The following DNAJC16 variants were observed in gnomAD, a reference collection of about 807,000 sequenced individuals.
The protein encoded by DNAJC16 is dnaJ homolog subfamily C member 16.
A neutral mutation model predicts 92.7 loss-of-function variants in DNAJC16; 76 were observed. The ratio of observed to expected loss-of-function variants is 0.82; its 90% CI spans 0.68 to 0.99. The LOEUF is 0.99. Ranked by LOEUF, DNAJC16 falls within the 50% of genes least tolerant of loss-of-function variation. DNAJC16 has a pLI of 0.00. For synonymous variants in DNAJC16, 328 were observed against 358.7 expected (o/e 0.91, Z 0.97); for missense variants, 869 against 942.4 (o/e 0.92, Z 1.02).
chr1:15,532,279 C>T (rs886071466), intron 2 of DNAJC16, among the ~76,000 whole-genome samples: 22 of 152,252 alleles, frequency 1.4e-4, no homozygotes, highest in Admixed American at 5.2e-4. Context: ...AGATACTACA[C>T]GCAATATTTC....
Position 15,548,310 on chromosome 1 carries a change from A to G in DNAJC16, c.905A>G (p.Tyr302Cys), listed in dbSNP as rs766500971. ...FAYKDYLSFGYVYVGLRGTEE... is the reference protein window; with the variant it reads ...FAYKDYLSFGCVYVGLRGTEE... ...TACAAAGATTATTTATCATTTGGAT[A>G]TGTATATGTGGGTTTGAGAGGGACG... The change falls in exon 7 of 15, where the codon TAT becomes TGT. Residue 302 changes from tyrosine (Y) to cysteine (C), a missense_variant. Physicochemically the swap from Tyr to Cys is radical, Grantham distance 194. Coordinates refer to ENST00000375847, the MANE Select transcript of DNAJC16 (RefSeq NM_015291.4). 10 of 1,614,150 alleles carry G rather than the reference A, an allele frequency of 6.2e-6. No homozygotes were observed. The highest frequency in any genetic ancestry group is 2.2e-5 in the East Asian group (1 of 44,874).
intron 6 of DNAJC16, among the ~76,000 whole-genome samples, chr1:15,547,939 G>T (rs1638349833): frequency 6.6e-6 from 1 of 152,122 alleles, no homozygotes; most frequent in Non-Finnish European, 1.5e-5. Flanking sequence ...GGAGAGGAAG[G>T]TGTTATCAGT....
intron 5 of DNAJC16, among the ~76,000 whole-genome samples, chr1:15,545,302 GC>G (rs1308946363): frequency 1.3e-5 from 2 of 152,140 alleles, no homozygotes; most frequent in African/African-American, 4.8e-5. Flanking sequence ...TTCTACATGT[GC>G]TATTCCTAGA....
rs1051353990 is a variant in DNAJC16 at position 15,566,279 on chromosome 1, C to T, written c.1778+99C>T. On this transcript the variant is annotated intron_variant, in intron 13 of 14. Coordinates refer to ENST00000375847, the MANE Select transcript of DNAJC16 (RefSeq NM_015291.4). ...TTGGAACATAGAGTGTAGAGAAGAA[C>T]TCTCATGCACCTCCTCCCATGTAAA... 3.0e-5 allele frequency: 28 copies of T among 945,880 alleles called. No individual in the cohort carries two copies. In the South Asian group the frequency reaches 4.2e-4, roughly 14 times the overall value. 58.6% of individuals were successfully genotyped at this position (945,880 alleles called of 1,614,324 possible).
At chr1:15,551,524 A>G (rs1178334035) in intron 7 of DNAJC16, among the ~76,000 whole-genome samples, 3 of 152,134 alleles carry the variant, frequency 2.0e-5, no homozygotes, top group Non-Finnish European at 2.9e-5. Flanking sequence ...GAACATTAGA[A>G]TTTCGAAAAA....
chr1:15,536,631 A>C lies in DNAJC16; in HGVS notation c.391A>C (p.Asn131His). 1 of 1,614,032 alleles carries C rather than the reference A, an allele frequency of 6.2e-7. No homozygotes were observed. The highest frequency in any genetic ancestry group is 8.5e-7 in the Non-Finnish European group (1 of 1,180,002). ...TGAATCCTTTTTTCACTTCCCTTTT[A>C]ATTCTGAACGGCGGGACTCAATTGA... is the stretch of plus-strand genomic sequence containing the variant. ...FDESFFHFPF[N>H]SERRDSIDEK... The change falls in exon 4 of 15, where the codon AAT becomes CAT. Residue 131 changes from asparagine to histidine, a missense_variant. Asn to His is a moderately conservative substitution (Grantham distance 68, BLOSUM62 1). Transcript: ENST00000375847.
Position 15,548,284 on chromosome 1 carries a change from A to G in DNAJC16, c.879A>G (p.Ala293=). 2.5e-6 allele frequency: 4 copies of G among 1,613,954 alleles called. No homozygotes were observed. The highest frequency in any genetic ancestry group is 2.2e-5 in the South Asian group (2 of 91,008). ...VPLLYKLTAF[A]YKDYLSFGYV... is the part of the protein sequence containing the mutation. ...TGCCCTAACAGTTGACTGCCTTTGCATACAAAGATTATTTATCATTTGGAT... is the reference window on the plus strand; with the variant it reads ...TGCCCTAACAGTTGACTGCCTTTGCGTACAAAGATTATTTATCATTTGGAT... The change falls in exon 7 of 15, where the codon GCA becomes GCG. Residue 293 remains alanine, a synonymous_variant. Transcript: ENST00000375847.
At chr1:15,561,041 C>T (rs1557586430) in intron 8 of DNAJC16, among the ~76,000 whole-genome samples, 1 of 152,144 alleles carries the variant, frequency 6.6e-6, no homozygotes, top group Non-Finnish European at 1.5e-5. Flanking sequence ...GTTGGCACTT[C>T]CCTGACCAAC....
chr1:15,537,303 A>G (rs1710816053), intron 4 of DNAJC16, among the ~76,000 whole-genome samples: 1 of 152,222 alleles, frequency 6.6e-6, no homozygotes, highest in Non-Finnish European at 1.5e-5. Flanking sequence ...AAGTCAGCTA[A>G]GGAATCTTCA....
rs1184997158 is a variant in DNAJC16, at chr1:15,558,171, CTTT to C, written c.1024-1333_1024-1331del. On this transcript the variant is annotated intron_variant, in intron 7 of 14. Transcript: ENST00000375847. ...CAGGCATGAGCCACCATACCCAGCC[CTTT>C]TTTTTTTTTTTTTTTTTTTTTCTTG... Among the ~76,000 whole-genome samples, 771 of 117,750 alleles carry C rather than the reference CTTT, an allele frequency of 6.5e-3. 1 individual carries two copies. The highest frequency in any genetic ancestry group is 0.024 in the African/African-American group (685 of 29,016). 77.2% of individuals were successfully genotyped at this position (117,750 alleles called of 152,430 possible). A position where few individuals can be genotyped will look rare whatever the true frequency, so the allele number is the denominator to read the frequency against.
At chr1:15,533,991 G>A (rs1489455545) in intron 2 of DNAJC16, among the ~76,000 whole-genome samples, 1 of 152,228 alleles carries the variant, frequency 6.6e-6, no homozygotes, top group African/African-American at 2.4e-5. Flanking sequence ...GTGAAATGCT[G>A]CAGTATTATA....
intron 5 of DNAJC16, among the ~76,000 whole-genome samples, chr1:15,546,461 A>G (rs1570912257): frequency 6.6e-6 from 1 of 152,200 alleles, no homozygotes; most frequent in Non-Finnish European, 1.5e-5. Flanking sequence ...GCTGGCTAGT[A>G]TATTAAGAAG....
chr1:15,564,289 C>G lies in DNAJC16; in HGVS notation c.1528C>G (p.Leu510Val). ...DLTDELAPVF[L>V]LRWFYSASDY... ...CCATTTTCTCTCTACATAGGTTTTTCTCCTTCGATGGTTCTACTCTGCTTC... is the reference window on the plus strand; with the variant it reads ...CCATTTTCTCTCTACATAGGTTTTTGTCCTTCGATGGTTCTACTCTGCTTC... Residue 510 changes from leucine (L) to valine (V), a missense_variant, in exon 11 of 15, where the codon CTC becomes GTC. Transcript: ENST00000375847. The G allele has an allele frequency of 6.2e-7, 1 of 1,607,936 alleles. No homozygotes were observed. The highest frequency in any genetic ancestry group is 8.5e-7 in the Non-Finnish European group (1 of 1,174,348).
Position 15,536,614 on chromosome 1 carries a change from T to C in DNAJC16, c.374T>C (p.Phe125Ser). 2 of 1,614,170 alleles carry C rather than the reference T, an allele frequency of 1.2e-6. No homozygotes were observed. Among genetic ancestry groups the C allele is most frequent in the Non-Finnish European group, 1.7e-6 (2 of 1,180,026 alleles). The change falls in exon 4 of 15, where the codon TTT becomes TCT. Residue 125 changes from phenylalanine to serine, a missense_variant. Coordinates refer to ENST00000375847, the MANE Select transcript of DNAJC16 (RefSeq NM_015291.4). Reference sequence around the variant, plus strand: ...GAAAATTTTTATTTTGATGAATCCTTTTTTCACTTCCCTTTTAATTCTGAA... The same window carrying C: ...GAAAATTTTTATTTTGATGAATCCTCTTTTCACTTCCCTTTTAATTCTGAA... ...FHENFYFDESFFHFPFNSERR... is the reference protein window; with the variant it reads ...FHENFYFDESSFHFPFNSERR...
At chr1:15,528,108 GC>G (rs1339919431) in intron 1 of DNAJC16, among the ~76,000 whole-genome samples, 1 of 152,064 alleles carries the variant, frequency 6.6e-6, no homozygotes, top group Non-Finnish European at 1.5e-5. Flanking sequence ...ATTTTTTCTT[GC>G]CGCTTTTTCT....
In DNAJC16 at chr1:15,568,337, C is replaced by A; in HGVS notation, c.*160C>A. 1.6e-6 allele frequency: 1 copy of A among 629,032 alleles called. No homozygotes were observed. The highest frequency in any genetic ancestry group is 2.6e-6 in the Non-Finnish European group (1 of 381,816). 39.0% of individuals were successfully genotyped at this position (629,032 alleles called of 1,614,324 possible). On this transcript the variant is annotated 3_prime_UTR_variant, in exon 15 of 15. Transcript: ENST00000375847. The stretch of plus-strand genomic sequence containing the variant: ...AATCTTTCCTTTGTCCTGTTCTAAC[C>A]TAGGAATGAAAAACACCACCAGTTT...
At position 15,543,500 on chromosome 1, in the gene DNAJC16, G is replaced by A. The variant is rs932853789; in HGVS notation, c.575-899G>A. ...GGGGAACCAGGGGCCAAACACAAAG[G>A]GTCTTGTTGGCCTCTGTGAGGATTG... On this transcript the variant is annotated intron_variant, in intron 4 of 14. Transcript: ENST00000375847. 5.3e-5 allele frequency among the ~76,000 whole-genome samples: 8 copies of A among 152,278 alleles called. 1 individual carries two copies. The South Asian group carries it at 1.7e-3, about 32-fold the overall frequency.
chr1:15,531,208 G>A (rs548979991), intron 2 of DNAJC16, among the ~76,000 whole-genome samples: 2 of 152,360 alleles, frequency 1.3e-5, no homozygotes, highest in East Asian at 3.9e-4. Flanking sequence ...CTGCCACATT[G>A]AGGTGATGCA....
At position 15,567,873 on chromosome 1, in the gene DNAJC16, C is replaced by T. The variant is rs1385909397; in HGVS notation, c.2045C>T (p.Pro682Leu). 6.2e-7 allele frequency: 1 copy of T among 1,614,098 alleles called. No homozygotes were observed. The highest frequency in any genetic ancestry group is 8.5e-7 in the Non-Finnish European group (1 of 1,180,048). ...TTTGCTCAAGATGCAGCTCCAATCC[C>T]AAACCAATATGATAAGCATTTCATG... ...LEFAQDAAPI[P>L]NQYDKHFMER... Residue 682 changes from proline to leucine, a missense_variant, in exon 15 of 15, where the codon CCA (proline) becomes CTA (leucine). Pro to Leu is a moderately conservative substitution (Grantham distance 98). Transcript: ENST00000375847.
Sources: gnomAD v4.1 joint callset for allele counts (sites outside exome capture counted in the v4.1 genomes callset) on GRCh38, gnomAD v4.1.1 for gene constraint, MANE v1.5 for transcripts, NCBI Gene and HGNC (gene_info 2026-07-23, HGNC 2026-07-21) for gene names.